Variants in HSD17B12 observed in about 807,000 individuals in gnomAD.
HSD17B12 encodes the protein very-long-chain 3-oxoacyl-CoA reductase.
In HSD17B12, 32 loss-of-function variants were observed where a neutral mutation model predicts 39.3. The ratio of observed to expected loss-of-function variants is 0.81; its 90% CI spans 0.61 to 1.09. The LOEUF is 1.09. Ranked by LOEUF, HSD17B12 falls within the 50% of genes least tolerant of loss-of-function variation. The pLI, the probability that HSD17B12 is intolerant of heterozygous loss-of-function variation, is 0.00. For synonymous variants in HSD17B12, 150 were observed against 146.7 expected (o/e 1.02, Z -0.16); for missense variants, 342 against 382.9 (o/e 0.89, Z 0.89).
rs147523010 is a variant in HSD17B12 at position 43,827,326 on chromosome 11, C to G, written c.502-3650C>G. Among the ~76,000 whole-genome samples, 178 of 152,134 alleles carry G rather than the reference C, an allele frequency of 1.2e-3. 1 individual carries two copies. The highest frequency in any genetic ancestry group is 4.1e-3 in the African/African-American group (170 of 41,468). On this transcript the variant is annotated intron_variant, in intron 6 of 10. Coordinates refer to ENST00000278353, the MANE Select transcript of HSD17B12 (RefSeq NM_016142.3). ...TCATGTTTTCTTTGTACTGTTCTCT[C>G]TAAAAAATGACCAAATGCCAAAGAT...
chr11:43,558,640 G>C, the HSD17B12 span, among the ~76,000 whole-genome samples: 1 of 152,084 alleles, frequency 6.6e-6, no homozygotes, highest in South Asian at 2.1e-4. Context: ...TGGTTCAGAT[G>C]AGCCTGGAAA....
intron 8 of HSD17B12, 99 bp from the exon 9 acceptor site, chr11:43,839,900 A>G: frequency 2.1e-6 from 2 of 948,042 alleles, no homozygotes; most frequent in South Asian, 1.5e-5. Flanking sequence ...GAGAAATTAT[A>G]GCATTAAATG....
At position 43,750,919 on chromosome 11, in the gene HSD17B12, G is replaced by T; in HGVS notation, c.169G>T (p.Gly57Cys). 6.2e-7 allele frequency: 1 copy of T among 1,601,766 alleles called. No homozygotes were observed. Residue 57 changes from glycine to cysteine, a missense_variant, in exon 2 of 11, where the codon GGT (glycine) becomes TGT (cysteine). Physicochemically the swap from Gly to Cys is radical, Grantham distance 159 (BLOSUM62 -3). Coordinates refer to ENST00000278353, the MANE Select transcript of HSD17B12 (RefSeq NM_016142.3). The stretch of plus-strand genomic sequence containing the variant: ...TTTTTTCCCTTTCCCAGTTGTCACA[G>T]GTAGTACTGATGGAATTGGAAAATC... ...PGLGEWAVVT[G>C]STDGIGKSYA...
chr11:43,707,747 T>C (rs1950028869), intron 1 of HSD17B12, among the ~76,000 whole-genome samples: 1 of 152,214 alleles, frequency 6.6e-6, no homozygotes, highest in Non-Finnish European at 1.5e-5. Context: ...TTTTGAAGAC[T>C]TAATTAATCT....
At chr11:43,602,425 T>A in the HSD17B12 span, among the ~76,000 whole-genome samples, 9 of 152,144 alleles carry the variant, frequency 5.9e-5, no homozygotes, top group African/African-American at 2.2e-4. Context: ...ACAAATTTGG[T>A]CCTTTTGTAC....
chr11:43,662,745 A>G, the HSD17B12 span, among the ~76,000 whole-genome samples: 6 of 152,278 alleles, frequency 3.9e-5, no homozygotes, highest in African/African-American at 1.4e-4. Context: ...AGAATTTCCA[A>G]TCTACTGGTT....
chr11:43,571,511 C>G, the HSD17B12 span, among the ~76,000 whole-genome samples: 12 of 152,270 alleles, frequency 7.9e-5, no homozygotes, highest in Admixed American at 3.9e-4. Context: ...CTTTTATCAG[C>G]AAGGCATGGG....
At chr11:43,652,971 C>T in the HSD17B12 span, among the ~76,000 whole-genome samples, 58,034 of 151,930 alleles carry the variant, frequency 0.38, 12,492 homozygotes, top group East Asian at 0.74. Flanking sequence ...TTCTTGGGCT[C>T]TCTGGCAGCA....
At chr11:43,811,399 T>G (rs1025016407) in intron 4 of HSD17B12, among the ~76,000 whole-genome samples, 4 of 152,128 alleles carry the variant, frequency 2.6e-5, no homozygotes, top group Non-Finnish European at 5.9e-5. Flanking sequence ...ATAGGACAAA[T>G]CGCCATTGTG....
chr11:43,588,222 G>A, the HSD17B12 span, among the ~76,000 whole-genome samples: 2 of 152,312 alleles, frequency 1.3e-5, no homozygotes, highest in South Asian at 4.1e-4. Context: ...CTTTAGGTGG[G>A]GAGTTAGATG....
At chr11:43,727,069 A>G (rs61883795) in intron 1 of HSD17B12, among the ~76,000 whole-genome samples, 7,972 of 152,294 alleles carry the variant, frequency 0.052, 234 homozygotes, top group Non-Finnish European at 0.058. Flanking sequence ...TATACTTTAT[A>G]TTAAGGATTC....
At chr11:43,742,958 C>T (rs1237858109) in intron 1 of HSD17B12, among the ~76,000 whole-genome samples, 1 of 152,016 alleles carries the variant, frequency 6.6e-6, no homozygotes, top group Non-Finnish European at 1.5e-5. Flanking sequence ...AATGTAAAGT[C>T]ATATTGTTTC....
At chr11:43,810,243 G>A (rs984008735) in intron 4 of HSD17B12, among the ~76,000 whole-genome samples, 16 of 152,038 alleles carry the variant, frequency 1.1e-4, no homozygotes, top group Middle Eastern at 6.8e-3. Flanking sequence ...CTGGCTTTGA[G>A]AGAGGATTCT....
In HSD17B12 at chr11:43,734,028, C is replaced by T. The variant is rs191447487; in HGVS notation, c.161-16883C>T. 86 of 751,848 alleles carry T rather than the reference C, an allele frequency of 1.1e-4. 1 individual carries two copies. In the Middle Eastern group the frequency reaches 1.9e-3, roughly 16 times the overall value. 46.6% of individuals were successfully genotyped at this position (751,848 alleles called of 1,614,324 possible). On this transcript the variant is annotated intron_variant, in intron 1 of 10. Coordinates refer to ENST00000278353, the MANE Select transcript of HSD17B12 (RefSeq NM_016142.3). ...AGATTTATAGATTGTCAATATCACACGGCGGATCCTCTTCCGGCCTATCGC... is the reference window on the plus strand; with the variant it reads ...AGATTTATAGATTGTCAATATCACATGGCGGATCCTCTTCCGGCCTATCGC...
At chr11:43,573,397 C>T in the HSD17B12 span, among the ~76,000 whole-genome samples, 28 of 152,270 alleles carry the variant, frequency 1.8e-4, no homozygotes, top group Non-Finnish European at 3.5e-4. Flanking sequence ...AGCTTCCAAG[C>T]CCCTCTCTGT....
At chr11:43,708,439 T>G (rs1219116757) in intron 1 of HSD17B12, among the ~76,000 whole-genome samples, 1 of 152,194 alleles carries the variant, frequency 6.6e-6, no homozygotes, top group South Asian at 2.1e-4. Flanking sequence ...TAGGACTTAT[T>G]AGGTTTATAA....
chr11:43,605,489 A>T, the HSD17B12 span, among the ~76,000 whole-genome samples: 1 of 148,514 alleles, frequency 6.7e-6, no homozygotes, highest in African/African-American at 2.5e-5. Context: ...TTAACCCAGG[A>T]GGCGGAGGTT....
At chr11:43,712,717 C>G (rs1362679788) in intron 1 of HSD17B12, among the ~76,000 whole-genome samples, 1 of 152,082 alleles carries the variant, frequency 6.6e-6, no homozygotes, top group Non-Finnish European at 1.5e-5. Flanking sequence ...GTCATGGGTG[C>G]GTCCTTAACG....
the HSD17B12 span, among the ~76,000 whole-genome samples, chr11:43,603,111 A>G: frequency 2.0e-5 from 3 of 152,180 alleles, no homozygotes; most frequent in African/African-American, 7.2e-5. Context: ...ATACTAGTTG[A>G]GTGAATTTAA....
Sources: gnomAD v4.1 joint callset for allele counts (sites outside exome capture counted in the v4.1 genomes callset) on GRCh38, gnomAD v4.1.1 for gene constraint, MANE v1.5 for transcripts, NCBI Gene and HGNC (gene_info 2026-07-23, HGNC 2026-07-21) for gene names.